The following LDB2 variants were observed in gnomAD, a reference collection of about 807,000 sequenced individuals.
LDB2 encodes LIM domain binding 2.
Under a neutral mutation model 44.3 loss-of-function variants are expected in LDB2, and 12 were observed. That is an observed-to-expected ratio of 0.27 (90% CI 0.17 to 0.44). LDB2 has a LOEUF of 0.44. Among genes scored for constraint, LDB2 ranks in the 20% least tolerant of loss-of-function variants. The pLI is 1.00. For missense variants in LDB2, 344 were observed against 473.5 expected, an observed-to-expected ratio of 0.73 and a Z score of 2.54; for synonymous variants, 164 against 174.8, an observed-to-expected ratio of 0.94 and a Z score of 0.49.
At position 16,513,929 on chromosome 4, in the gene LDB2, A is replaced by G. The variant is rs541457057; in HGVS notation, c.616-1825T>C. ...TTCTAACTTTTCCCTGCCTTTCTGT[A>G]TAAGAGCTGACCATAAAGAAATTCT... On this transcript the variant is annotated intron_variant, in intron 5 of 7. Coordinates refer to ENST00000304523, the MANE Select transcript of LDB2 (RefSeq NM_001290.5). Among the ~76,000 whole-genome samples the G allele has an allele frequency of 2.0e-5, 3 of 152,348 alleles. No homozygotes were observed. In the East Asian group the frequency reaches 5.8e-4, roughly 29 times the overall value.
chr4:16,716,408 T>C (rs1757086231), intron 2 of LDB2, among the ~76,000 whole-genome samples: 1 of 152,170 alleles, frequency 6.6e-6, no homozygotes, highest in Non-Finnish European at 1.5e-5. Context: ...ACTGTGTATT[T>C]TAAGCCTGGA....
Position 16,563,549 on chromosome 4 carries a change from C to T in LDB2, c.615+22373G>A, listed in dbSNP as rs1211009513. Among the ~76,000 whole-genome samples the T allele has an allele frequency of 3.4e-5, 5 of 147,092 alleles. No homozygotes were observed. In the South Asian group the frequency reaches 6.6e-4, roughly 19 times the overall value. On this transcript the variant is annotated intron_variant, in intron 5 of 7. Coordinates refer to ENST00000304523, the MANE Select transcript of LDB2 (RefSeq NM_001290.5). ...CTGCAAACTCCGCCTCCCGGGTTCA[C>T]GCCATTCTCCTGCCTCAGCCTCCCG... is the stretch of plus-strand genomic sequence containing the variant.
chr4:16,584,090 C>T (rs1179548514), intron 5 of LDB2, among the ~76,000 whole-genome samples: 2 of 152,128 alleles, frequency 1.3e-5, no homozygotes, highest in East Asian at 1.9e-4. Context: ...AGAGAGTCGG[C>T]GCTGTGTTTC....
At chr4:16,848,437 TG>T (rs2110163608) in intron 1 of LDB2, among the ~76,000 whole-genome samples, 1 of 152,346 alleles carries the variant, frequency 6.6e-6, no homozygotes, top group East Asian at 1.9e-4. Flanking sequence ...AGACAGCAGA[TG>T]TATTCCATGG....
intron 2 of LDB2, among the ~76,000 whole-genome samples, chr4:16,618,796 A>C (rs576615962): frequency 9.9e-5 from 15 of 152,240 alleles, no homozygotes; most frequent in Admixed American, 5.9e-4. Flanking sequence ...TGTAATCTTC[A>C]GTGTTGGAAG....
chr4:16,795,414 C>A (rs1776555844), intron 1 of LDB2, among the ~76,000 whole-genome samples: 1 of 152,146 alleles, frequency 6.6e-6, no homozygotes, highest in South Asian at 2.1e-4. Context: ...TCTGAGCAAG[C>A]CCTTCCTAAC....
intron 2 of LDB2, among the ~76,000 whole-genome samples, chr4:16,682,701 G>A (rs1748249600): frequency 6.6e-6 from 1 of 152,194 alleles, no homozygotes; most frequent in Non-Finnish European, 1.5e-5. Context: ...GGAGGGAAAA[G>A]ACTTACCCCA....
At chr4:16,869,992 G>A (rs1022623266) in intron 1 of LDB2, among the ~76,000 whole-genome samples, 1 of 152,144 alleles carries the variant, frequency 6.6e-6, no homozygotes, top group Non-Finnish European at 1.5e-5. Flanking sequence ...TTCTTTCAGC[G>A]TGATGGTGAC....
At chr4:16,819,694 A>C (rs1389398407) in intron 1 of LDB2, among the ~76,000 whole-genome samples, 2 of 152,186 alleles carry the variant, frequency 1.3e-5, no homozygotes, top group African/African-American at 4.8e-5. Context: ...TGTGAGCAAT[A>C]TCATACATTG....
chr4:16,696,350 G>C (rs1349503543), intron 2 of LDB2, among the ~76,000 whole-genome samples: 1 of 152,132 alleles, frequency 6.6e-6, no homozygotes, highest in Non-Finnish European at 1.5e-5. Context: ...ACTGCGAGTA[G>C]ACAATTTTTC....
intron 2 of LDB2, chr4:16,626,885 G>A (rs547938971): frequency 1.3e-5 from 2 of 152,254 alleles, no homozygotes; most frequent in African/African-American, 4.8e-5. Flanking sequence ...CCAACACCTG[G>A]ATGGAAACGC....
chr4:16,860,080 C>T (rs1374994522), intron 1 of LDB2, among the ~76,000 whole-genome samples: 2 of 152,168 alleles, frequency 1.3e-5, no homozygotes, highest in Non-Finnish European at 2.9e-5. Flanking sequence ...GGAAAATGCA[C>T]TCAAAGTGCA....
rs148242057 is a variant in LDB2 at position 16,522,968 on chromosome 4, G to A, written c.616-10864C>T. On this transcript the variant is annotated intron_variant, in intron 5 of 7. Coordinates refer to ENST00000304523, the MANE Select transcript of LDB2 (RefSeq NM_001290.5). ...GTAAGTTTTAAAGATTCTTATTGAC[G>A]AATTATTGTCCTTCAGTTCAGCCAA... 9.2e-5 allele frequency among the ~76,000 whole-genome samples: 14 copies of A among 152,260 alleles called. No individual in the cohort carries two copies. In the East Asian group the frequency reaches 1.7e-3, roughly 19 times the overall value.
intron 1 of LDB2, among the ~76,000 whole-genome samples, chr4:16,827,659 T>C (rs1783307579): frequency 6.6e-6 from 1 of 152,158 alleles, no homozygotes; most frequent in African/African-American, 2.4e-5. Context: ...AAAATTCTCT[T>C]GTCTACACGC....
intron 7 of LDB2, chr4:16,505,958 T>A: frequency 6.4e-7 from 1 of 1,551,694 alleles, no homozygotes; most frequent in South Asian, 1.2e-5. Context: ...GGGTTGAGGC[T>A]GCAGTTCGGG....
intron 2 of LDB2, among the ~76,000 whole-genome samples, chr4:16,602,209 A>G (rs1722756921): frequency 6.6e-6 from 1 of 152,202 alleles, no homozygotes; most frequent in Admixed American, 6.5e-5. Flanking sequence ...ACGAGTAAGG[A>G]GACAGAGAAT....
chr4:16,759,706 A>G (rs994412433), intron 1 of LDB2, among the ~76,000 whole-genome samples: 1 of 152,204 alleles, frequency 6.6e-6, no homozygotes. Flanking sequence ...ATCAACAGAG[A>G]TGTTCCTAGC....
intron 1 of LDB2, among the ~76,000 whole-genome samples, chr4:16,780,338 T>C (rs1009896657): frequency 6.6e-6 from 1 of 152,208 alleles, no homozygotes; most frequent in East Asian, 1.9e-4. Flanking sequence ...TTCTCTGGCC[T>C]TAGCCTCCCC....
At chr4:16,610,139 A>C (rs764973148) in intron 2 of LDB2, among the ~76,000 whole-genome samples, 41 of 151,924 alleles carry the variant, frequency 2.7e-4, no homozygotes, top group Non-Finnish European at 5.3e-4. Flanking sequence ...TGAAAGAAAA[A>C]CAAACAAGCA....
Sources: allele counts gnomAD v4.1 joint callset (sites outside exome capture counted in the v4.1 genomes callset), GRCh38; gene constraint gnomAD v4.1.1; transcripts MANE v1.5; gene names NCBI Gene and HGNC (gene_info 2026-07-23, HGNC 2026-07-21).